ARHGAP35: variants seen among roughly 807,000 people sequenced by gnomAD.
The protein encoded by ARHGAP35 is Rho GTPase activating protein 35.
Under a neutral mutation model 111.1 loss-of-function variants are expected in ARHGAP35, and 15 were observed. The observed-to-expected ratio is 0.13, with a 90% confidence interval of 0.09 to 0.21. ARHGAP35 has a LOEUF of 0.21. ARHGAP35 is among the 10% of genes least tolerant of loss of function. ARHGAP35 has a pLI of 1.00. For synonymous variants in ARHGAP35, 643 were observed against 710.3 expected (o/e 0.91, Z 1.51); for missense variants, 1,262 against 1,873.0 (o/e 0.67, Z 6.02).
At position 47,000,427 on chromosome 19, in the gene ARHGAP35, C is replaced by T. The variant is rs749058550; in HGVS notation, c.4239C>T (p.Asp1413=). ...TGAGACCTGATTTCAGCACTATGGA[C>T]GCCCTCACAGCCACGCGCACCTACC... ...TLMRPDFSTM[D]ALTATRTYQT... The change falls in exon 7 of 7, where the codon GAC becomes GAT. Residue 1413 remains aspartate (D), a synonymous_variant. Coordinates refer to ENST00000672722, the MANE Select transcript of ARHGAP35 (RefSeq NM_004491.5). The surrounding 1 kb of genome is among the most constrained non-coding windows in gnomAD (Gnocchi z 6.9). 24 of 1,613,798 alleles carry T rather than the reference C, an allele frequency of 1.5e-5. No individual in the cohort carries two copies. The highest frequency in any genetic ancestry group is 1.9e-5 in the Non-Finnish European group (23 of 1,179,872).
In ARHGAP35 at chr19:46,993,499, G is replaced by A. The variant is rs1233488126; in HGVS notation, c.4036+3824G>A. Among the ~76,000 whole-genome samples the A allele has an allele frequency of 2.0e-5, 3 of 152,178 alleles. No individual in the cohort carries two copies. Among genetic ancestry groups the A allele is most frequent in the East Asian group, 1.9e-4 (1 of 5,202 alleles). ...CCGCCACTTTGTTTGACCTTGGACC[G>A]GTATTCTGGCTTTGTGAGGCCTGGT... On this transcript the variant is annotated intron_variant, in intron 5 of 6. Transcript: ENST00000672722. This position sits in a 1 kb window ranked among gnomAD's most constrained non-coding sequence, Gnocchi z 4.6.
chr19:46,986,985 C>A lies in ARHGAP35; in HGVS notation c.3827-1004C>A, dbSNP rs971191002. 1.3e-5 allele frequency among the ~76,000 whole-genome samples: 2 copies of A among 152,090 alleles called. No individual in the cohort carries two copies. Among genetic ancestry groups the A allele is most frequent in the African/African-American group, 4.8e-5 (2 of 41,416 alleles). ...CTGGGATTATAGGCATGTGCCACCACACCCACCTAATTTTGTACTTTTAGT... is the reference window on the plus strand; with the variant it reads ...CTGGGATTATAGGCATGTGCCACCAAACCCACCTAATTTTGTACTTTTAGT... On this transcript the variant is annotated intron_variant, in intron 3 of 6. Transcript: ENST00000672722. The surrounding 1 kb of genome is among the most constrained non-coding windows in gnomAD (Gnocchi z 4.3).
intron 3 of ARHGAP35, among the ~76,000 whole-genome samples, chr19:46,955,408 C>A (rs2056433864): frequency 6.6e-6 from 1 of 152,176 alleles, no homozygotes; most frequent in South Asian, 2.1e-4. Context: ...TCATGTCACC[C>A]TCTCCGTGAC....
intron 3 of ARHGAP35, among the ~76,000 whole-genome samples, chr19:46,985,067 G>A (rs2056641897): frequency 6.6e-6 from 1 of 152,144 alleles, no homozygotes; most frequent in Non-Finnish European, 1.5e-5. Context: ...GTATTATGTA[G>A]GGCTGATATT....
intron 3 of ARHGAP35, among the ~76,000 whole-genome samples, chr19:46,974,982 TGCCTCA>T (rs1177285171): frequency 6.6e-6 from 1 of 152,170 alleles, no homozygotes; most frequent in Non-Finnish European, 1.5e-5. Context: ...ACAGTTCTCC[TGCCTCA>T]GCCTCCTGAG....
intron 3 of ARHGAP35, among the ~76,000 whole-genome samples, chr19:46,962,619 G>T (rs903770402): frequency 2.6e-5 from 4 of 152,052 alleles, no homozygotes; most frequent in Non-Finnish European, 5.9e-5. Flanking sequence ...TTTTGTTTTT[G>T]TTTTTGAAAT....
At chr19:46,948,624 T>C (rs2056394261) in intron 3 of ARHGAP35, 1 of 152,136 alleles carries the variant, frequency 6.6e-6, no homozygotes, top group Admixed American at 6.5e-5. Flanking sequence ...AACAGTGGGA[T>C]CTCAAAATTA....
intron 3 of ARHGAP35, among the ~76,000 whole-genome samples, chr19:46,975,342 T>C (rs768101488): frequency 5.9e-5 from 9 of 152,160 alleles, no homozygotes; most frequent in Non-Finnish European, 1.0e-4. Context: ...GCTAGTGGGC[T>C]TCCTGCACCC....
At chr19:46,979,194 CAGT>C (rs2056606586) in intron 3 of ARHGAP35, among the ~76,000 whole-genome samples, 1 of 152,038 alleles carries the variant, frequency 6.6e-6, no homozygotes. Context: ...AGATCCCTCA[CAGT>C]GGTGGCACCA....
At chr19:46,927,902 G>C (rs1199758227) in intron 2 of ARHGAP35, among the ~76,000 whole-genome samples, 1 of 152,102 alleles carries the variant, frequency 6.6e-6, no homozygotes, top group Non-Finnish European at 1.5e-5. Flanking sequence ...TCAACAGTCA[G>C]GTGCCTATAT....
At chr19:46,895,829 GC>G (rs1188382046) in intron 1 of ARHGAP35, among the ~76,000 whole-genome samples, 1 of 152,172 alleles carries the variant, frequency 6.6e-6, no homozygotes, top group Non-Finnish European at 1.5e-5. Context: ...AAGGCCAGGT[GC>G]GGTGGCTCAT....
chr19:46,876,976 G>A (rs569865585), intron 1 of ARHGAP35, among the ~76,000 whole-genome samples: 15 of 152,222 alleles, frequency 9.9e-5, no homozygotes, highest in African/African-American at 2.6e-4. Context: ...TTGGCCGGGC[G>A]CAGTGGCTCA....
intron 3 of ARHGAP35, among the ~76,000 whole-genome samples, chr19:46,977,918 C>T (rs1354250832): frequency 6.6e-6 from 1 of 152,210 alleles, no homozygotes; most frequent in Non-Finnish European, 1.5e-5. Flanking sequence ...GCCCAGAGTG[C>T]CGGCACTGCG....
intron 1 of ARHGAP35, among the ~76,000 whole-genome samples, chr19:46,912,468 C>T (rs1484073701): frequency 6.6e-6 from 1 of 152,124 alleles, no homozygotes; most frequent in Admixed American, 6.6e-5. Context: ...ATTCTCCTGC[C>T]TCAGCCTCCT....
rs192616081 is a variant in ARHGAP35 at position 46,879,708 on chromosome 19, C to T, written c.-189+18499C>T. ...GTGAGGCAGGAGAATCGCTTGAACC[C>T]GGGAGGCTGAGGTTACAGTGAGCTG... On this transcript the variant is annotated intron_variant, in intron 1 of 6. Coordinates refer to ENST00000672722, the MANE Select transcript of ARHGAP35 (RefSeq NM_004491.5). 6.6e-3 allele frequency among the ~76,000 whole-genome samples: 993 copies of T among 151,122 alleles called. 7 individuals are homozygous for T. Among genetic ancestry groups the T allele is most frequent in the African/African-American group, 0.02 (827 of 41,176 alleles).
chr19:46,977,015 A>C (rs2056583298), intron 3 of ARHGAP35, among the ~76,000 whole-genome samples: 1 of 152,200 alleles, frequency 6.6e-6, no homozygotes, highest in Non-Finnish European at 1.5e-5. Context: ...GCACAGATGA[A>C]CTAACCTCTT....
intron 3 of ARHGAP35, among the ~76,000 whole-genome samples, chr19:46,963,860 A>T (rs1042624245): frequency 6.6e-6 from 1 of 151,996 alleles, no homozygotes; most frequent in Non-Finnish European, 1.5e-5. Flanking sequence ...TATTTTATTT[A>T]TTTATTTTTA....
chr19:46,926,110 A>G lies in ARHGAP35; in HGVS notation c.3681+3754A>G, dbSNP rs1013694909. 6.6e-6 allele frequency among the ~76,000 whole-genome samples: 1 copy of G among 152,158 alleles called. No individual in the cohort carries two copies. The highest frequency in any genetic ancestry group is 2.4e-5 in the African/African-American group (1 of 41,434). On this transcript the variant is annotated intron_variant, in intron 2 of 6. Coordinates refer to ENST00000672722, the MANE Select transcript of ARHGAP35 (RefSeq NM_004491.5). The surrounding 1 kb of genome is among the most constrained non-coding windows in gnomAD (Gnocchi z 4.1). Reference sequence around the variant, plus strand: ...CAACCACCCTAACAAAAAAATAGCTATGCTCTGGGTACCAATGTGATACAG... The same window carrying G: ...CAACCACCCTAACAAAAAAATAGCTGTGCTCTGGGTACCAATGTGATACAG...
At chr19:46,971,361 A>C (rs2122293590) in intron 3 of ARHGAP35, among the ~76,000 whole-genome samples, 2 of 151,912 alleles carry the variant, frequency 1.3e-5, no homozygotes, top group East Asian at 1.9e-4. Flanking sequence ...AACTGAGCTC[A>C]CGCCGCTGTA....
Sources: gnomAD v4.1 joint callset for allele counts (sites outside exome capture counted in the v4.1 genomes callset) on GRCh38, gnomAD v4.1.1 for gene constraint, Gnocchi (gnomAD v3.1) non-coding constraint, MANE v1.5 for transcripts, NCBI Gene and HGNC (gene_info 2026-07-23, HGNC 2026-07-21) for gene names.